Variants in HTR4 observed in about 807,000 individuals in gnomAD.
HTR4 encodes the protein 5-hydroxytryptamine (serotonin) receptor 4, G protein-coupled.
In HTR4, 16 loss-of-function variants were observed where a neutral mutation model predicts 36.8. The observed-to-expected ratio is 0.43, with a 90% CI of 0.29 to 0.66. HTR4 has a LOEUF of 0.66. Ranked by LOEUF, HTR4 falls within the 30% of genes least tolerant of loss-of-function variation. The pLI is 0.13. For synonymous variants in HTR4, 189 were observed against 185.1 expected (o/e 1.02, Z -0.17); for missense variants, 438 against 490.9 (o/e 0.89, Z 1.02).
downstream of HTR4, chr5:148,476,683 T>C (rs371206875): frequency 2.0e-5 from 31 of 1,589,412 alleles, no homozygotes; most frequent in East Asian, 3.5e-4. Flanking sequence ...AAAACCTGTG[T>C]TGGGCACTAA....
downstream of HTR4, among the ~76,000 whole-genome samples, chr5:148,479,325 A>G (rs1252648623): frequency 2.6e-5 from 4 of 152,146 alleles, no homozygotes; most frequent in Admixed American, 1.3e-4. Context: ...TTCAAACGAC[A>G]TAGCTACTGG....
chr5:148,511,467 T>G (rs892945345), intron 5 of HTR4, among the ~76,000 whole-genome samples: 13 of 152,204 alleles, frequency 8.5e-5, no homozygotes, highest in Non-Finnish European at 1.0e-4. Context: ...CATTATTGCA[T>G]GTACAGGCAG....
At chr5:148,546,617 T>TTGA (rs1759396263) in intron 4 of HTR4, among the ~76,000 whole-genome samples, 1 of 152,190 alleles carries the variant, frequency 6.6e-6, no homozygotes, top group Non-Finnish European at 1.5e-5. Flanking sequence ...CAATGGACAG[T>TTGA]TGATTCTACA....
chr5:148,504,646 A>G (rs1757099688), intron 6 of HTR4, among the ~76,000 whole-genome samples: 1 of 152,168 alleles, frequency 6.6e-6, no homozygotes, highest in Non-Finnish European at 1.5e-5. Flanking sequence ...CTAAGATCAG[A>G]GCAGAACTGA....
chr5:148,623,633 T>A (rs1043841868), intron 2 of HTR4, among the ~76,000 whole-genome samples: 1 of 152,050 alleles, frequency 6.6e-6, no homozygotes, highest in Non-Finnish European at 1.5e-5. Flanking sequence ...TGGACATACT[T>A]AAAAACAGGA....
chr5:148,576,110 C>CAAAAAAAAAAAAAAAAAA (rs781780161), intron 2 of HTR4, among the ~76,000 whole-genome samples: 16 of 32,702 alleles, frequency 4.9e-4, no homozygotes, highest in African/African-American at 1.7e-3. Flanking sequence ...GACTCCGTCT[C>CAAAAAAAAAAAAAAAAAA]AAAAAAAAAA....
In HTR4 at chr5:148,451,404, G is replaced by A. The variant is rs967821009; in HGVS notation, c.1077-132C>T. On this transcript the variant is annotated intron_variant, in intron 5 of 5. Transcript: ENST00000521530. ...GAGGGTATGGTGAAGTGGGAGTGGG[G>A]ATGGGGTGATACTTCATAGAGATAG... 2.7e-6 allele frequency: 4 copies of A among 1,470,956 alleles called. No homozygotes were observed. In the African/African-American group the frequency reaches 5.6e-5, roughly 21 times the overall value. The allele number at this position is 1,470,956 out of a possible 1,614,324, so 91.1% of individuals were successfully genotyped here.
At position 148,654,131 on chromosome 5, in the gene HTR4, G is replaced by C. The variant is rs941771991; in HGVS notation, c.-117C>G. On this transcript the variant is annotated 5_prime_UTR_variant, in exon 1 of 7. Coordinates refer to ENST00000377888, the MANE Select transcript of HTR4 (RefSeq NM_000870.7). ...CGGCCACCCCCAGCCGCTGAGCCGA[G>C]CTTCTGCTGCCGCCGCTGCCGCTGC... is the stretch of plus-strand genomic sequence containing the variant. 2.1e-5 allele frequency: 21 copies of C among 985,586 alleles called. No individual in the cohort carries two copies. The African/African-American group carries it at 3.7e-4, about 17-fold the overall frequency. 61.1% of individuals were successfully genotyped at this position (985,586 alleles called of 1,614,324 possible).
chr5:148,481,100 T>A (rs1443003303), downstream of HTR4, among the ~76,000 whole-genome samples: 1 of 152,132 alleles, frequency 6.6e-6, no homozygotes, highest in African/African-American at 2.4e-5. Context: ...AATGGGTGGG[T>A]GTGTGGGCAG....
At chr5:148,653,959 C>T (rs897508427) in intron 1 of HTR4, 103 bp downstream of exon 1, 2 of 749,692 alleles carry the variant, frequency 2.7e-6, no homozygotes, top group Non-Finnish European at 3.3e-6. Flanking sequence ...AGTCCAGAAC[C>T]CCCAAGCCCC....
rs10062655 is a variant in HTR4, at chr5:148,596,220, G to A, written c.26+40769C>T. Among the ~76,000 whole-genome samples the A allele has an allele frequency of 2.1e-3, 318 of 152,266 alleles. 1 individual carries two copies. Among genetic ancestry groups the A allele is most frequent in the African/African-American group, 7.3e-3 (305 of 41,568 alleles). ...ACTTGTGAAAGTCTTAGTATGTGCC[G>A]ATAATATCTTACTACTAGTCTCTGA... On this transcript the variant is annotated intron_variant, in intron 2 of 6. Transcript: ENST00000377888.
At chr5:148,608,435 G>T (rs954009812) in intron 2 of HTR4, among the ~76,000 whole-genome samples, 2 of 152,088 alleles carry the variant, frequency 1.3e-5, no homozygotes, top group African/African-American at 4.8e-5. Flanking sequence ...CAAATGAAGT[G>T]GTGAAGAAGA....
At chr5:148,607,359 A>T (rs1019379578) in intron 2 of HTR4, among the ~76,000 whole-genome samples, 1 of 152,186 alleles carries the variant, frequency 6.6e-6, no homozygotes, top group Admixed American at 6.5e-5. Context: ...TCAAGCTTCA[A>T]TGTTGGCCTA....
intron 2 of HTR4, among the ~76,000 whole-genome samples, chr5:148,556,271 GC>G (rs1346109473): frequency 1.3e-5 from 2 of 152,264 alleles, no homozygotes; most frequent in Admixed American, 1.3e-4. Context: ...TGATCTGCCC[GC>G]CTCGGCCTCC....
At chr5:148,641,575 A>C (rs1193226854) in intron 1 of HTR4, among the ~76,000 whole-genome samples, 1 of 152,180 alleles carries the variant, frequency 6.6e-6, no homozygotes, top group Non-Finnish European at 1.5e-5. Context: ...ATTACTCAAA[A>C]CATTTTATCC....
intron 2 of HTR4, among the ~76,000 whole-genome samples, chr5:148,585,543 G>T (rs184575647): frequency 6.6e-6 from 1 of 152,064 alleles, no homozygotes. Flanking sequence ...CTGTTCTCAC[G>T]GGATTTATCT....
chr5:148,644,434 T>TTTTTTTTTTTTTTTTTTG (rs1753819598), intron 1 of HTR4, among the ~76,000 whole-genome samples: 1 of 140,966 alleles, frequency 7.1e-6, no homozygotes, highest in African/African-American at 2.6e-5. Context: ...TTTTTTTTTT[T>TTTTTTTTTTTTTTTTTTG]TTTTTTTTTT....
At chr5:148,579,451 C>T (rs983684460) in intron 2 of HTR4, among the ~76,000 whole-genome samples, 3 of 152,074 alleles carry the variant, frequency 2.0e-5, no homozygotes, top group Admixed American at 2.0e-4. Context: ...AATCCTAGCT[C>T]TGCCATGGGT....
At chr5:148,508,400 G>C (rs1360550249) in intron 6 of HTR4, among the ~76,000 whole-genome samples, 1 of 152,154 alleles carries the variant, frequency 6.6e-6, no homozygotes, top group African/African-American at 2.4e-5. Context: ...TCAGGGTTTG[G>C]AAAGAGGTAC....
Sources: allele counts gnomAD v4.1 joint callset (sites outside exome capture counted in the v4.1 genomes callset), GRCh38; gene constraint gnomAD v4.1.1; transcripts MANE v1.5; gene names NCBI Gene and HGNC (gene_info 2026-07-23, HGNC 2026-07-21).